The following RP1 variants were observed in gnomAD, a reference collection of about 807,000 sequenced individuals.
RP1 encodes RP1 axonemal microtubule associated.
RP1 carries 16 observed loss-of-function variants against 14.8 expected under a neutral mutation model. That is an observed-to-expected ratio of 1.08 (90% CI 0.73 to 1.65). The LOEUF (loss-of-function observed/expected upper bound fraction) is 1.65, where lower values mean the gene tolerates loss of function less well. RP1 is among the 40% of genes most tolerant of loss of function. The pLI is 0.00. For synonymous variants in RP1, 876 were observed against 883.6 expected (o/e 0.99, Z 0.15); for missense variants, 2,631 against 2,535.0 (o/e 1.04, Z -0.81).
At chr8:54,674,025 A>G (rs1333365341) in intron 8 of RP1, 5 of 930,828 alleles carry the variant, frequency 5.4e-6, no homozygotes, top group Non-Finnish European at 8.1e-6. Context: ...AAATTGGTAG[A>G]AAATGGATCT....
At chr8:54,694,175 G>C (rs1489809500) in intron 12 of RP1, among the ~76,000 whole-genome samples, 2 of 152,290 alleles carry the variant, frequency 1.3e-5, no homozygotes, top group African/African-American at 4.8e-5. Flanking sequence ...AAGCCCACTT[G>C]ATCATAGTGG....
intron 24 of RP1, among the ~76,000 whole-genome samples, chr8:54,801,691 T>G (rs1055792611): frequency 2.8e-4 from 43 of 152,144 alleles, no homozygotes; most frequent in Middle Eastern, 3.4e-3. Flanking sequence ...TGCAAGAGAG[T>G]GCAAACTCTT....
chr8:54,626,541 C>T lies in RP1; in HGVS notation c.2659C>T (p.His887Tyr), dbSNP rs1352417228. Reference protein sequence around the residue: ...VKASAILSKQHATTRANSLAS... With the variant: ...VKASAILSKQYATTRANSLAS... ...AGCAAGTGCTATTTTAAGTAAACAA[C>T]ATGCTACAACCAGGGCAAATTCTTT... The change falls in exon 4 of 4, where the codon CAT (histidine) becomes TAT (tyrosine). Residue 887 changes from histidine to tyrosine, a missense_variant. Coordinates refer to ENST00000220676, the MANE Select transcript of RP1 (RefSeq NM_006269.2). 1 of 1,613,760 alleles carries T rather than the reference C, an allele frequency of 6.2e-7. No homozygotes were observed. The highest frequency in any genetic ancestry group is 1.7e-5 in the Admixed American group (1 of 60,012).
intron 19 of RP1, among the ~76,000 whole-genome samples, chr8:54,752,427 G>A (rs546929021): frequency 1.4e-4 from 22 of 152,288 alleles, no homozygotes; most frequent in Admixed American, 1.4e-3. Context: ...CATGCAGTTC[G>A]AAAACCGTCA....
In RP1 at chr8:54,626,325, GAAAAC is replaced by G; in HGVS notation, c.2448_2452del (p.Asn816LysfsTer7). ...ATCTAAATATTGCAAAAGTACTTTT[GAAAAC>G]AAAAGTTTATTTCATGTATTTAACA... On this transcript the variant is annotated frameshift_variant, in exon 4 of 4. Coordinates refer to ENST00000220676, the MANE Select transcript of RP1 (RefSeq NM_006269.2). LOFTEE classifies it low-confidence loss of function (END_TRUNC). The G allele has an allele frequency of 6.2e-7, 1 of 1,613,348 alleles. No homozygotes were observed.
chr8:54,681,252 C>G (rs1807421759), intron 12 of RP1, among the ~76,000 whole-genome samples: 1 of 152,018 alleles, frequency 6.6e-6, no homozygotes. Flanking sequence ...AAATTGTACC[C>G]TACTTGTAGG....
chr8:54,756,929 A>G (rs1035771227), intron 21 of RP1, among the ~76,000 whole-genome samples: 1 of 152,156 alleles, frequency 6.6e-6, no homozygotes, highest in Non-Finnish European at 1.5e-5. Flanking sequence ...GGGAGGGTGT[A>G]TTGTGGATTG....
At chr8:54,848,480 C>T (rs1175792831) in intron 25 of RP1, among the ~76,000 whole-genome samples, 1 of 152,156 alleles carries the variant, frequency 6.6e-6, no homozygotes, top group Non-Finnish European at 1.5e-5. Context: ...CTGCAGATAA[C>T]ACAGATGCTA....
chr8:54,636,326 G>A (rs1806344702), intron 3 of RP1, among the ~76,000 whole-genome samples: 2 of 152,230 alleles, frequency 1.3e-5, no homozygotes, highest in South Asian at 2.1e-4. Context: ...TCCCATGGAA[G>A]GCGCACTGTC....
chr8:54,837,701 T>C (rs1385945830), intron 25 of RP1: 6 of 1,151,086 alleles, frequency 5.2e-6, no homozygotes, highest in African/African-American at 1.6e-5. Context: ...GTGATGTGTA[T>C]TGAAAATTAA....
At chr8:54,650,115 T>C (rs1308359407) in intron 4 of RP1, among the ~76,000 whole-genome samples, 3 of 152,204 alleles carry the variant, frequency 2.0e-5, no homozygotes, top group Non-Finnish European at 4.4e-5. Flanking sequence ...CTAAATAATT[T>C]TCAATTCTGT....
intron 3 of RP1, among the ~76,000 whole-genome samples, chr8:54,624,459 A>G (rs1585561059): frequency 6.6e-6 from 1 of 150,796 alleles, no homozygotes; most frequent in Non-Finnish European, 1.5e-5. Context: ...AAAAAAAAAA[A>G]AAAAAAAAGA....
chr8:54,653,778 TTTA>T (rs1806702512), intron 5 of RP1, among the ~76,000 whole-genome samples: 2 of 152,192 alleles, frequency 1.3e-5, no homozygotes, highest in South Asian at 4.1e-4. Flanking sequence ...GTGAAATACT[TTTA>T]TGCTATATAG....
chr8:54,806,881 A>T (rs1810865240), intron 24 of RP1, among the ~76,000 whole-genome samples: 2 of 152,188 alleles, frequency 1.3e-5, no homozygotes, highest in African/African-American at 4.8e-5. Context: ...CCAAATGCTA[A>T]CTATGTTGTC....
chr8:54,726,571 G>A (rs762076558), intron 17 of RP1: 379 of 1,352,774 alleles, frequency 2.8e-4, no homozygotes, highest in Non-Finnish European at 3.5e-4. Context: ...TATTTTTACA[G>A]CATATATTAT....
intron 19 of RP1, among the ~76,000 whole-genome samples, chr8:54,754,380 T>G (rs1809449489): frequency 6.6e-6 from 1 of 152,148 alleles, no homozygotes; most frequent in Admixed American, 6.5e-5. Flanking sequence ...AATTGAGAGC[T>G]TTGAATCTGC....
Position 54,769,948 on chromosome 8 carries a change from A to G in RP1, c.*135A>G, listed in dbSNP as rs1585676970. ...TGGATTTATAGTATTCCTCACAGTG[A>G]AATAAAAACATATGTAAAGCTGTGT... On this transcript the variant is annotated 3_prime_UTR_variant, in exon 23 of 23. Coordinates refer to the RP1 transcript ENST00000636932. The G allele has an allele frequency of 1.2e-5, 7 of 587,616 alleles. No individual in the cohort carries two copies. In the East Asian group the frequency reaches 2.0e-4, roughly 17 times the overall value. 36.4% of individuals were successfully genotyped at this position (587,616 alleles called of 1,614,324 possible).
At chr8:54,724,180 G>A (rs948579662) in intron 16 of RP1, among the ~76,000 whole-genome samples, 1 of 152,106 alleles carries the variant, frequency 6.6e-6, no homozygotes, top group Non-Finnish European at 1.5e-5. Flanking sequence ...ATAAAATTCT[G>A]ACTATGTATA....
chr8:54,658,045 A>G (rs1806794487), intron 6 of RP1, among the ~76,000 whole-genome samples: 1 of 152,198 alleles, frequency 6.6e-6, no homozygotes, highest in African/African-American at 2.4e-5. Context: ...CTGAAACTCT[A>G]TATCCATTAA....
Sources: allele counts gnomAD v4.1 joint callset (sites outside exome capture counted in the v4.1 genomes callset), GRCh38; gene constraint gnomAD v4.1.1; transcripts MANE v1.5; gene names NCBI Gene and HGNC (gene_info 2026-07-23, HGNC 2026-07-21).